Variants in MBTPS1 observed in about 807,000 individuals in gnomAD.
MBTPS1 encodes the protein membrane bound transcription factor peptidase, site 1.
MBTPS1 carries 94 observed loss-of-function variants against 127.8 expected under a neutral mutation model. The observed-to-expected ratio is 0.74, with a 90% CI of 0.62 to 0.87. MBTPS1 has a LOEUF of 0.87. Ranked by LOEUF, MBTPS1 falls within the 40% of genes least tolerant of loss-of-function variation. The pLI is 0.00. For synonymous variants in MBTPS1, 632 were observed against 509.4 expected (o/e 1.24, Z -3.24); for missense variants, 1,636 against 1,353.2 (o/e 1.21, Z -3.28).
At chr16:84,094,674 A>C (rs2086155196) in intron 4 of MBTPS1, among the ~76,000 whole-genome samples, 1 of 152,270 alleles carries the variant, frequency 6.6e-6, no homozygotes, top group Non-Finnish European at 1.5e-5. Context: ...TAAAAAATGC[A>C]CACACAAAAT....
chr16:84,095,485 A>G, intron 4 of MBTPS1, 117 bp downstream of exon 4: 1 of 1,081,682 alleles, frequency 9.2e-7, no homozygotes, highest in East Asian at 2.5e-5. Context: ...GCAGGGCTTT[A>G]GCACTAGGCA....
chr16:84,088,334 G>A (rs1382607763), intron 8 of MBTPS1, among the ~76,000 whole-genome samples: 2 of 151,888 alleles, frequency 1.3e-5, no homozygotes, highest in Non-Finnish European at 2.9e-5. Flanking sequence ...CCAACACACC[G>A]AGAAAAAGTG....
At chr16:84,103,119 C>T (rs988634110) in intron 1 of MBTPS1, among the ~76,000 whole-genome samples, 9 of 152,260 alleles carry the variant, frequency 5.9e-5, no homozygotes, top group South Asian at 4.1e-4. Context: ...TAGTAAAGAA[C>T]AATGCTGGCT....
At chr16:84,088,548 T>G (rs991731225) in intron 8 of MBTPS1, among the ~76,000 whole-genome samples, 1 of 152,198 alleles carries the variant, frequency 6.6e-6, no homozygotes, top group Admixed American at 6.5e-5. Context: ...CTCTACCTGC[T>G]AAGCCCTATA....
intron 12 of MBTPS1, among the ~76,000 whole-genome samples, chr16:84,072,519 C>T (rs920049737): frequency 6.6e-6 from 1 of 152,146 alleles, no homozygotes; most frequent in Non-Finnish European, 1.5e-5. Context: ...AGGTCAGGCG[C>T]GATGGCTCAC....
chr16:84,077,846 G>C (rs1470021826), intron 11 of MBTPS1, among the ~76,000 whole-genome samples: 1 of 151,772 alleles, frequency 6.6e-6, no homozygotes, highest in Non-Finnish European at 1.5e-5. Context: ...CCTGACGGAG[G>C]GTTACTAACA....
intron 2 of MBTPS1, among the ~76,000 whole-genome samples, 169 bp from the exon 3 acceptor site, chr16:84,099,479 C>CTTTG (rs2086225012): frequency 6.6e-6 from 1 of 152,152 alleles, no homozygotes; most frequent in Non-Finnish European, 1.5e-5. Flanking sequence ...GTCTGCAGAG[C>CTTTG]TTTGAGGAAA....
intron 1 of MBTPS1, among the ~76,000 whole-genome samples, chr16:84,113,399 C>A (rs555485193): frequency 5.1e-4 from 77 of 152,308 alleles, no homozygotes; most frequent in African/African-American, 1.7e-3. Context: ...ACCTCTAATA[C>A]ACGTATAATT....
chr16:84,088,591 AG>A (rs1420600054), intron 8 of MBTPS1, among the ~76,000 whole-genome samples: 2 of 152,202 alleles, frequency 1.3e-5, no homozygotes, highest in African/African-American at 4.8e-5. Context: ...TTAAAAAATA[AG>A]GGAACGCATC....
chr16:84,066,519 C>T lies in MBTPS1; in HGVS notation c.2323G>A (p.Glu775Lys). The T allele has an allele frequency of 6.2e-7, 1 of 1,614,202 alleles. No homozygotes were observed. Among genetic ancestry groups the T allele is most frequent in the South Asian group, 1.1e-5 (1 of 91,088 alleles). The part of the protein sequence containing the change: ...WNMGFSDGLY[E>K]GEFTLANHDM... ...TGGTTGGCCAGGGTGAACTCCCCTTCATACAGGCCATCGCTGAACCCCATG... is the reference window on the plus strand; with the variant it reads ...TGGTTGGCCAGGGTGAACTCCCCTTTATACAGGCCATCGCTGAACCCCATG... The change falls in exon 17 of 23, where the codon GAA becomes AAA. Residue 775 changes from glutamate (E) to lysine (K), a missense_variant. Physicochemically the swap from Glu to Lys is moderately conservative, Grantham distance 56 (BLOSUM62 1). Transcript: ENST00000343411.
At chr16:84,105,491 G>A (rs535309099) in intron 1 of MBTPS1, among the ~76,000 whole-genome samples, 9 of 152,272 alleles carry the variant, frequency 5.9e-5, no homozygotes, top group Non-Finnish European at 1.2e-4. Context: ...AGGGGGCACT[G>A]CAGCAGCTCT....
At position 84,056,105 on chromosome 16, in the gene MBTPS1, G is replaced by A; in HGVS notation, c.2862C>T (p.Ser954=). The A allele has an allele frequency of 1.2e-6, 2 of 1,614,068 alleles. No homozygotes were observed. Among genetic ancestry groups the A allele is most frequent in the Non-Finnish European group, 8.5e-7 (1 of 1,179,914 alleles). ...GTAACACCACCTTGTCCAGGTCAAT[G>A]GAGAGTAGCTTCTGATGTTTCCAAA... ...SNLWKHQKLL[S]IDLDKVVLPN... is the part of the protein sequence containing the mutation. Residue 954 remains serine, a synonymous_variant, in exon 22 of 23, where the codon TCC becomes TCT. Transcript: ENST00000343411.
At chr16:84,069,492 C>T (rs943254426) in intron 14 of MBTPS1, among the ~76,000 whole-genome samples, 1 of 152,324 alleles carries the variant, frequency 6.6e-6, no homozygotes, top group Middle Eastern at 3.4e-3. Context: ...AGCAGTGGCA[C>T]TCAGGAGCTG....
chr16:84,067,167 A>C (rs1015868537), intron 16 of MBTPS1, among the ~76,000 whole-genome samples: 1 of 152,148 alleles, frequency 6.6e-6, no homozygotes, highest in African/African-American at 2.4e-5. Flanking sequence ...ATTTATATAT[A>C]CTCAGTAACA....
rs773198160 is a variant in MBTPS1, at chr16:84,085,046, C to G, written c.1223G>C (p.Arg408Pro). ...VRGSGVKGGC[R>P]ALSGTSVASP... is the part of the protein sequence containing the mutation. ...AGCAACACTGGTCCCTGAGAGGGCC[C>G]GGCACCCCCCTTTCACGCCAGAACC... The change falls in exon 10 of 23, where the codon CGG becomes CCG. Residue 408 changes from arginine (R) to proline (P), a missense_variant. Physicochemically the swap from Arg to Pro is moderately radical, Grantham distance 103. Transcript: ENST00000343411. 6.2e-7 allele frequency: 1 copy of G among 1,614,180 alleles called. No homozygotes were observed. The highest frequency in any genetic ancestry group is 8.5e-7 in the Non-Finnish European group (1 of 1,180,040).
chr16:84,058,269 C>T (rs756965751), intron 21 of MBTPS1, among the ~76,000 whole-genome samples: 7 of 152,346 alleles, frequency 4.6e-5, no homozygotes, highest in South Asian at 2.1e-4. Flanking sequence ...GGAGTAAAGG[C>T]GGAAGGCAGC....
chr16:84,095,584 C>G lies in MBTPS1; in HGVS notation c.625+18G>C, dbSNP rs1415428764. The G allele has an allele frequency of 1.9e-6, 3 of 1,611,726 alleles. No individual in the cohort carries two copies. In the South Asian group the frequency reaches 3.3e-5, roughly 18 times the overall value. On this transcript the variant is annotated intron_variant, in intron 4 of 22. Transcript: ENST00000343411. ...CCTGTATATCCCATAAGCACCTTCC[C>G]TGGGTAATAGCACACACCTGTATAT...
At position 84,054,660 on chromosome 16, in the gene MBTPS1, C is replaced by A; in HGVS notation, c.2963-15G>T. ...AGGCATGATCCCTGTAAGAGGACAG[C>A]CGGTTGAACAGGCAGGAACGCCACA... is the stretch of plus-strand genomic sequence containing the variant. On this transcript the variant is annotated splice_polypyrimidine_tract_variant and intron_variant, in intron 22 of 22. Coordinates refer to ENST00000343411, the MANE Select transcript of MBTPS1 (RefSeq NM_003791.4). 1 of 1,564,686 alleles carries A rather than the reference C, an allele frequency of 6.4e-7. No individual in the cohort carries two copies. Among genetic ancestry groups the A allele is most frequent in the South Asian group, 1.2e-5 (1 of 85,510 alleles).
At chr16:84,081,225 T>A (rs2085935417) in intron 11 of MBTPS1, among the ~76,000 whole-genome samples, 1 of 152,206 alleles carries the variant, frequency 6.6e-6, no homozygotes, top group Admixed American at 6.5e-5. Flanking sequence ...AACTTTGCTG[T>A]AAATCTAAAA....
Sources: gnomAD v4.1 joint callset for allele counts (sites outside exome capture counted in the v4.1 genomes callset) on GRCh38, gnomAD v4.1.1 for gene constraint, MANE v1.5 for transcripts, NCBI Gene and HGNC (gene_info 2026-07-23, HGNC 2026-07-21) for gene names.